Variants in SNTB1 observed in about 807,000 individuals in gnomAD.
SNTB1 encodes the protein beta-1-syntrophin.
SNTB1 carries 36 observed loss-of-function variants against 48.9 expected under a neutral mutation model. The observed-to-expected ratio is 0.74, with a 90% CI of 0.56 to 0.97. The LOEUF (loss-of-function observed/expected upper bound fraction) is 0.97. Among genes scored for constraint, SNTB1 ranks in the 50% least tolerant of loss-of-function variants. The pLI is 0.00. For missense variants in SNTB1, 786 were observed against 703.4 expected (o/e 1.12, Z -1.33); for synonymous variants, 299 against 294.6 (o/e 1.01, Z -0.15).
At chr8:120,774,214 A>G (rs1819691863) in intron 1 of SNTB1, among the ~76,000 whole-genome samples, 1 of 152,222 alleles carries the variant, frequency 6.6e-6, no homozygotes, top group African/African-American at 2.4e-5. Context: ...GAATGTGACC[A>G]GTTGAGAAAG....
chr8:120,638,851 G>A (rs1403733322), intron 2 of SNTB1, among the ~76,000 whole-genome samples: 1 of 152,184 alleles, frequency 6.6e-6, no homozygotes, highest in Non-Finnish European at 1.5e-5. Context: ...TGTGAATAGT[G>A]CTGCAATAAA....
intron 1 of SNTB1, among the ~76,000 whole-genome samples, chr8:120,787,777 A>G (rs1222168705): frequency 6.6e-6 from 1 of 152,192 alleles, no homozygotes; most frequent in Non-Finnish European, 1.5e-5. Context: ...TGAGGAGAAG[A>G]AAAAGCAAAA....
chr8:120,569,274 C>T (rs1187935614), intron 4 of SNTB1, among the ~76,000 whole-genome samples: 4 of 152,200 alleles, frequency 2.6e-5, no homozygotes, highest in Non-Finnish European at 2.9e-5. Flanking sequence ...GCTACTGTGC[C>T]CAGCCCGCAT....
intron 1 of SNTB1, among the ~76,000 whole-genome samples, chr8:120,715,510 C>A (rs532057087): frequency 4.0e-5 from 6 of 151,824 alleles, no homozygotes; most frequent in Non-Finnish European, 5.9e-5. Flanking sequence ...ACAAAAAAAA[C>A]AAACTTGGGT....
intron 1 of SNTB1, among the ~76,000 whole-genome samples, chr8:120,712,853 CAGTA>C (rs1818487439): frequency 6.6e-6 from 1 of 152,150 alleles, no homozygotes. Context: ...TTATGCTGCA[CAGTA>C]AGTGGCAGAG....
intron 3 of SNTB1, among the ~76,000 whole-genome samples, chr8:120,627,141 G>A (rs1264457247): frequency 6.6e-6 from 1 of 152,160 alleles, no homozygotes; most frequent in Non-Finnish European, 1.5e-5. Flanking sequence ...GATGTGATTG[G>A]TCACCAGTCA....
At chr8:120,689,975 T>A (rs1477553326) in intron 2 of SNTB1, among the ~76,000 whole-genome samples, 1 of 152,230 alleles carries the variant, frequency 6.6e-6, no homozygotes, top group African/African-American at 2.4e-5. Context: ...CTACTTTATT[T>A]ATTTTGTTGT....
At chr8:120,650,911 T>C (rs1817401717) in intron 2 of SNTB1, among the ~76,000 whole-genome samples, 2 of 152,210 alleles carry the variant, frequency 1.3e-5, no homozygotes, top group South Asian at 4.1e-4. Flanking sequence ...CTTATTGGAT[T>C]CAGATTGGCT....
intron 2 of SNTB1, among the ~76,000 whole-genome samples, chr8:120,659,120 T>G (rs773804936): frequency 7.2e-5 from 11 of 152,046 alleles, no homozygotes; most frequent in Admixed American, 5.2e-4. Flanking sequence ...CACGCCACCA[T>G]GTCTGGTTAA....
chr8:120,698,119 A>G (rs1283638523), intron 1 of SNTB1, among the ~76,000 whole-genome samples: 2 of 152,206 alleles, frequency 1.3e-5, no homozygotes, highest in Non-Finnish European at 2.9e-5. Context: ...AAATTCAAGA[A>G]ACCTAATTTG....
intron 3 of SNTB1, among the ~76,000 whole-genome samples, chr8:120,614,481 CA>C (rs1471846359): frequency 6.6e-6 from 1 of 152,184 alleles, no homozygotes; most frequent in Non-Finnish European, 1.5e-5. Context: ...AACTTGTTTC[CA>C]AGGCCAGAGT....
At chr8:120,704,488 A>G (rs1818351099) in intron 1 of SNTB1, among the ~76,000 whole-genome samples, 1 of 152,158 alleles carries the variant, frequency 6.6e-6, no homozygotes, top group East Asian at 1.9e-4. Flanking sequence ...AAAACGTTTA[A>G]TCTGCAGTGT....
intron 3 of SNTB1, among the ~76,000 whole-genome samples, chr8:120,631,638 C>G (rs934689805): frequency 1.3e-5 from 2 of 152,104 alleles, no homozygotes; most frequent in Admixed American, 6.6e-5. Context: ...GGACAGCAAT[C>G]ATGTGTAAGG....
intron 1 of SNTB1, among the ~76,000 whole-genome samples, chr8:120,777,514 G>T (rs938173680): frequency 6.6e-6 from 1 of 152,114 alleles, no homozygotes; most frequent in African/African-American, 2.4e-5. Flanking sequence ...ATTTGCCATG[G>T]ATATGTCCCA....
chr8:120,712,566 A>G (rs1226427107), intron 1 of SNTB1, among the ~76,000 whole-genome samples: 1 of 152,184 alleles, frequency 6.6e-6, no homozygotes, highest in Non-Finnish European at 1.5e-5. Flanking sequence ...TGCATTTTTT[A>G]TATGATGATA....
intron 1 of SNTB1, among the ~76,000 whole-genome samples, chr8:120,694,541 A>G (rs1818180661): frequency 1.3e-5 from 2 of 151,398 alleles, no homozygotes; most frequent in Non-Finnish European, 1.5e-5. Flanking sequence ...TGATATATAT[A>G]TCATTAATTC....
In SNTB1 at chr8:120,739,158, C is replaced by T. The variant is rs544579561; in HGVS notation, c.572-45250G>A. Reference sequence around the variant, plus strand: ...AATTTCAAGAGAAAACAGAGTTGCTCTGGAAAAACCCCAATGCATTATTTA... The same window carrying T: ...AATTTCAAGAGAAAACAGAGTTGCTTTGGAAAAACCCCAATGCATTATTTA... On this transcript the variant is annotated intron_variant, in intron 1 of 6. Coordinates refer to ENST00000517992, the MANE Select transcript of SNTB1 (RefSeq NM_021021.4). Among the ~76,000 whole-genome samples the T allele has an allele frequency of 1.8e-3, 279 of 152,270 alleles. No homozygotes were observed. In the Middle Eastern group the frequency reaches 0.02, roughly 11 times the overall value.
chr8:120,581,792 GT>G (rs1816054302), intron 3 of SNTB1, among the ~76,000 whole-genome samples: 1 of 151,944 alleles, frequency 6.6e-6, no homozygotes. Context: ...GTCTTGCTCT[GT>G]CTTCCAGGCT....
chr8:120,697,295 G>T (rs1376552783), intron 1 of SNTB1, among the ~76,000 whole-genome samples: 2 of 152,168 alleles, frequency 1.3e-5, no homozygotes, highest in Non-Finnish European at 2.9e-5. Flanking sequence ...GTAATATTCT[G>T]CATATAGTAA....
Sources: allele counts gnomAD v4.1 joint callset (sites outside exome capture counted in the v4.1 genomes callset), GRCh38; gene constraint gnomAD v4.1.1; transcripts MANE v1.5; gene names NCBI Gene and HGNC (gene_info 2026-07-23, HGNC 2026-07-21).